Variants in SFI1 observed in about 807,000 individuals in gnomAD.
SFI1 encodes the protein SFI1 centrin binding protein, also known as protein SFI1 homolog.
Under a neutral mutation model 207.5 loss-of-function variants are expected in SFI1, and 195 were observed. That is an observed-to-expected ratio of 0.94 (90% CI 0.84 to 1.06). SFI1 has a LOEUF of 1.06. Among genes scored for constraint, SFI1 ranks in the 50% least tolerant of loss-of-function variants. SFI1 has a pLI of 0.00. For synonymous variants in SFI1, 630 were observed against 598.9 expected, an observed-to-expected ratio of 1.05 and a Z score of -0.76; for missense variants, 1,634 against 1,588.0, an observed-to-expected ratio of 1.03 and a Z score of -0.49.
rs1245032418 is a variant in SFI1, at chr22:31,615,180, C to T, written c.3201C>T (p.Ala1067=). ...CCCTGCCTGGGGCCCTGTCAAGCGC[C>T]CCTGGCCCGAAGCAGCCCCCGACGG... is the stretch of plus-strand genomic sequence containing the variant. ...HSPLPGALSS[A]PGPKQPPTAS... is the part of the protein sequence containing the mutation. The change falls in exon 29 of 33, where the codon GCC becomes GCT. Residue 1067 remains alanine, a synonymous_variant. Transcript: ENST00000400288. 3 of 1,598,826 alleles carry T rather than the reference C, an allele frequency of 1.9e-6. No individual in the cohort carries two copies. The highest frequency in any genetic ancestry group is 2.6e-6 in the Non-Finnish European group (3 of 1,174,368).
intron 2 of SFI1, among the ~76,000 whole-genome samples, chr22:31,508,954 T>G (rs1821283112): frequency 6.6e-6 from 1 of 152,248 alleles, no homozygotes; most frequent in African/African-American, 2.4e-5. Context: ...TTTTAGTATG[T>G]CATCTATTTT....
chr22:31,564,326 C>G (rs1312172017), intron 8 of SFI1, among the ~76,000 whole-genome samples: 1 of 63,470 alleles, frequency 1.6e-5, no homozygotes, highest in Non-Finnish European at 3.1e-5. Flanking sequence ...GACTCCATCT[C>G]AAAAAAAAAA....
intron 2 of SFI1, among the ~76,000 whole-genome samples, chr22:31,523,888 G>T (rs2057572960): frequency 6.6e-6 from 1 of 151,300 alleles, no homozygotes; most frequent in Middle Eastern, 3.2e-3. Flanking sequence ...TGTAGATTAA[G>T]CAAGTGATTT....
intron 4 of SFI1, among the ~76,000 whole-genome samples, chr22:31,535,283 G>C (rs1182663096): frequency 1.4e-5 from 2 of 143,110 alleles, no homozygotes; most frequent in Non-Finnish European, 3.0e-5. Context: ...TCTGCCTTCC[G>C]GGTTCAAGCG....
At chr22:31,512,666 C>T (rs528333318) in intron 2 of SFI1, among the ~76,000 whole-genome samples, 33 of 149,714 alleles carry the variant, frequency 2.2e-4, no homozygotes, top group Middle Eastern at 3.6e-3. Context: ...TACAGGCACC[C>T]GCCACCATAC....
At chr22:31,568,888 G>T (rs2062674217) in intron 8 of SFI1, among the ~76,000 whole-genome samples, 1 of 152,114 alleles carries the variant, frequency 6.6e-6, no homozygotes, top group Non-Finnish European at 1.5e-5. Context: ...GAGCCCAGTA[G>T]ATTGAAAACA....
At chr22:31,529,231 T>C (rs2058231291) in intron 3 of SFI1, among the ~76,000 whole-genome samples, 1 of 152,206 alleles carries the variant, frequency 6.6e-6, no homozygotes, top group Admixed American at 6.5e-5. Flanking sequence ...TTAGATATAT[T>C]AGAGACATCT....
chr22:31,598,571 C>T (rs982003144), intron 15 of SFI1, among the ~76,000 whole-genome samples: 1 of 151,126 alleles, frequency 6.6e-6, no homozygotes, highest in Non-Finnish European at 1.5e-5. Flanking sequence ...AGACGCCTGC[C>T]ACCACGCCCA....
Position 31,602,666 on chromosome 22 carries a change from G to A in SFI1, c.1686G>A (p.Gln562=). ...GGTCTTGGTTCATGTGGCACCAGCA[G>A]GCAGCAGCACGTCACCAGGAGCAGG... ...LYRSWFMWHQ[Q]AAARHQEQEW... Residue 562 remains glutamine (Q), a synonymous_variant, in exon 17 of 33, where the codon CAG becomes CAA. Coordinates refer to ENST00000400288, the MANE Select transcript of SFI1 (RefSeq NM_001007467.3). 1 of 1,614,216 alleles carries A rather than the reference G, an allele frequency of 6.2e-7. No individual in the cohort carries two copies. The highest frequency in any genetic ancestry group is 8.5e-7 in the Non-Finnish European group (1 of 1,180,048).
intron 1 of SFI1, among the ~76,000 whole-genome samples, chr22:31,496,969 C>A (rs1234362595): frequency 6.6e-6 from 1 of 152,228 alleles, no homozygotes; most frequent in East Asian, 1.9e-4. Context: ...CGCAATGCCC[C>A]TTAGCGTGCG....
chr22:31,566,530 G>C (rs2062331581), intron 8 of SFI1, among the ~76,000 whole-genome samples: 1 of 152,184 alleles, frequency 6.6e-6, no homozygotes. Flanking sequence ...GTAGGTTCTT[G>C]AGTCAGACTG....
intron 8 of SFI1, among the ~76,000 whole-genome samples, chr22:31,565,118 C>T (rs569465729): frequency 1.1e-4 from 17 of 150,566 alleles, no homozygotes; most frequent in East Asian, 9.9e-4. Flanking sequence ...CCACCGTGCC[C>T]GGCCCAGAAT....
intron 2 of SFI1, among the ~76,000 whole-genome samples, chr22:31,511,943 TG>T: frequency 6.6e-6 from 1 of 152,148 alleles, no homozygotes; most frequent in Non-Finnish European, 1.5e-5. Context: ...TGAGTCACCG[TG>T]CCCCAGCCTT....
rs1165466870 is a variant in SFI1, at chr22:31,618,534, A to G, written c.*116A>G. 9.3e-7 allele frequency: 1 copy of G among 1,079,112 alleles called. No homozygotes were observed. Among genetic ancestry groups the G allele is most frequent in the African/African-American group, 1.6e-5 (1 of 62,510 alleles). 66.8% of individuals were successfully genotyped at this position (1,079,112 alleles called of 1,614,324 possible). On this transcript the variant is annotated 3_prime_UTR_variant, in exon 33 of 33. Coordinates refer to ENST00000400288, the MANE Select transcript of SFI1 (RefSeq NM_001007467.3). ...TTATTTCAAAATGCTTTGCAATTAA[A>G]TGAATTACTGTTCAGAAGTCTCCCA...
intron 14 of SFI1, among the ~76,000 whole-genome samples, chr22:31,588,521 T>G (rs1245559360): frequency 6.6e-6 from 1 of 152,164 alleles, no homozygotes; most frequent in Non-Finnish European, 1.5e-5. Context: ...TTTTAAAACC[T>G]CTACACATTT....
intron 4 of SFI1, among the ~76,000 whole-genome samples, chr22:31,542,355 T>C (rs1466517704): frequency 6.6e-6 from 1 of 151,904 alleles, no homozygotes; most frequent in Non-Finnish European, 1.5e-5. Flanking sequence ...AGGCCGGGCA[T>C]GGTGGCACAT....
chr22:31,530,931 C>T, intron 3 of SFI1, 127 bp from the exon 4 acceptor site: 3 of 689,544 alleles, frequency 4.4e-6, no homozygotes, highest in South Asian at 1.8e-5. Context: ...AGCTATGATA[C>T]CGCCTTTTGA....
intron 2 of SFI1, among the ~76,000 whole-genome samples, chr22:31,511,030 T>G (rs1196663239): frequency 6.6e-6 from 1 of 152,148 alleles, no homozygotes; most frequent in African/African-American, 2.4e-5. Context: ...AGCTTGCAAC[T>G]TAGGGTGCTA....
intron 6 of SFI1, among the ~76,000 whole-genome samples, chr22:31,553,836 A>ATTTTTTTT (rs1201513765): frequency 7.7e-4 from 17 of 21,968 alleles, no homozygotes; most frequent in African/African-American, 2.0e-3. Flanking sequence ...TTAATGGATT[A>ATTTTTTTT]TGTTTTTTTT....
Sources: allele counts gnomAD v4.1 joint callset (sites outside exome capture counted in the v4.1 genomes callset), GRCh38; gene constraint gnomAD v4.1.1; transcripts MANE v1.5; gene names NCBI Gene and HGNC (gene_info 2026-07-23, HGNC 2026-07-21).